CSMD1: variants seen among roughly 807,000 people sequenced by gnomAD.
CSMD1 encodes the protein CUB and sushi domain-containing protein 1.
A neutral mutation model predicts 417.5 loss-of-function variants in CSMD1; 213 were observed. The ratio of observed to expected loss-of-function variants is 0.51; its 90% CI spans 0.46 to 0.57. CSMD1 has a LOEUF of 0.57. CSMD1 is among the 20% of genes least tolerant of loss of function. CSMD1 has a pLI of 0.00. For synonymous variants in CSMD1, 2,862 were observed against 1,736.8 expected (o/e 1.65, Z -16.11); for missense variants, 6,923 against 4,529.7 (o/e 1.53, Z -15.17).
chr8:4,481,653 T>C (rs1474474376), intron 2 of CSMD1, among the ~76,000 whole-genome samples: 1 of 152,184 alleles, frequency 6.6e-6, no homozygotes, highest in Non-Finnish European at 1.5e-5. Flanking sequence ...AGAGGTTAAA[T>C]ACCTGAGTCC....
chr8:4,181,968 G>T (rs1037489045), intron 3 of CSMD1, among the ~76,000 whole-genome samples: 1 of 151,010 alleles, frequency 6.6e-6, no homozygotes, highest in African/African-American at 2.4e-5. Flanking sequence ...GTGTGTGTGT[G>T]TGTGTGATGT....
chr8:4,840,741 C>A (rs954642423), intron 1 of CSMD1, among the ~76,000 whole-genome samples: 5 of 152,206 alleles, frequency 3.3e-5, no homozygotes, highest in Non-Finnish European at 7.4e-5. Context: ...TTTTCAGTTT[C>A]TCTTTGCCCA....
intron 4 of CSMD1, among the ~76,000 whole-genome samples, chr8:4,018,266 T>A (rs1794776512): frequency 6.6e-6 from 1 of 152,056 alleles, no homozygotes; most frequent in Admixed American, 6.5e-5. Context: ...GGTATTATGG[T>A]GTTTGAGAGT....
At chr8:3,980,816 TA>T (rs1168102199) in intron 5 of CSMD1, among the ~76,000 whole-genome samples, 15 of 152,296 alleles carry the variant, frequency 9.8e-5, no homozygotes, top group African/African-American at 3.6e-4. Flanking sequence ...GGCCAACCAC[TA>T]ATGTCCCCAC....
At chr8:3,007,497 A>C (rs1305295480) in intron 52 of CSMD1, among the ~76,000 whole-genome samples, 1 of 151,518 alleles carries the variant, frequency 6.6e-6, no homozygotes, top group African/African-American at 2.4e-5. Context: ...CATTATTCAC[A>C]ATAGCAAAGA....
chr8:4,080,054 A>G (rs1800047064), intron 3 of CSMD1, among the ~76,000 whole-genome samples: 1 of 151,812 alleles, frequency 6.6e-6, no homozygotes, highest in Non-Finnish European at 1.5e-5. Flanking sequence ...CCAGCTAGGA[A>G]TCTACGACTC....
At chr8:3,226,334 G>A (rs1272246697) in intron 27 of CSMD1, among the ~76,000 whole-genome samples, 2 of 152,172 alleles carry the variant, frequency 1.3e-5, no homozygotes, top group Non-Finnish European at 2.9e-5. Context: ...TGTAATCCCA[G>A]CACTTTGGGA....
chr8:3,468,990 A>G, intron 11 of CSMD1, 166 bp from the exon 12 acceptor site: 1 of 469,896 alleles, frequency 2.1e-6, no homozygotes, highest in Non-Finnish European at 3.8e-6. Flanking sequence ...TTAATATTCA[A>G]ACATCACTAT....
chr8:4,280,351 T>G (rs2128858948), intron 3 of CSMD1, among the ~76,000 whole-genome samples: 1 of 152,340 alleles, frequency 6.6e-6, no homozygotes, highest in African/African-American at 2.4e-5. Flanking sequence ...AAATAATTTC[T>G]AATAAATAAT....
chr8:4,031,804 A>G, intron 4 of CSMD1, 101 bp downstream of exon 4: 1 of 864,798 alleles, frequency 1.2e-6, no homozygotes, highest in South Asian at 2.4e-5. Context: ...AGTCAGCTCA[A>G]CATGTATTAT....
chr8:4,016,116 T>C (rs945291607), intron 4 of CSMD1, among the ~76,000 whole-genome samples: 18 of 152,274 alleles, frequency 1.2e-4, no homozygotes, highest in Middle Eastern at 3.4e-3. Flanking sequence ...GATGGGATCA[T>C]ATAAAAGTTC....
intron 23 of CSMD1, among the ~76,000 whole-genome samples, chr8:3,309,195 C>A (rs1391679073): frequency 6.6e-6 from 1 of 152,178 alleles, no homozygotes; most frequent in African/African-American, 2.4e-5. Flanking sequence ...GAAGAGGGGC[C>A]ACCTATCGGC....
At chr8:3,751,008 C>G (rs1421882441) in intron 6 of CSMD1, among the ~76,000 whole-genome samples, 2 of 152,154 alleles carry the variant, frequency 1.3e-5, no homozygotes, top group Admixed American at 1.3e-4. Flanking sequence ...GGTCCTTCTT[C>G]TTCTTCAGAG....
At chr8:3,923,695 G>T (rs1809441926) in intron 5 of CSMD1, among the ~76,000 whole-genome samples, 1 of 152,168 alleles carries the variant, frequency 6.6e-6, no homozygotes, top group East Asian at 1.9e-4. Context: ...TCACCATGCT[G>T]TACAATAAAT....
chr8:4,311,630 G>C (rs1192164250), intron 3 of CSMD1, among the ~76,000 whole-genome samples: 1 of 150,566 alleles, frequency 6.6e-6, no homozygotes. Context: ...AGCTTAGACA[G>C]GAGAATTGCT....
intron 48 of CSMD1, among the ~76,000 whole-genome samples, chr8:3,089,624 A>G (rs183721305): frequency 1.5e-4 from 23 of 152,308 alleles, no homozygotes; most frequent in Non-Finnish European, 4.4e-5. Flanking sequence ...CATTTAATCA[A>G]TGCTCAAAAA....
chr8:4,852,560 A>C (rs1434883490), intron 1 of CSMD1, among the ~76,000 whole-genome samples: 2 of 152,162 alleles, frequency 1.3e-5, no homozygotes, highest in Non-Finnish European at 2.9e-5. Flanking sequence ...TGGAAATTCA[A>C]AAACAGCCTA....
chr8:4,966,484 G>T (rs1005428676), intron 1 of CSMD1, among the ~76,000 whole-genome samples: 11 of 152,120 alleles, frequency 7.2e-5, no homozygotes, highest in Non-Finnish European at 1.0e-4. Context: ...ATCTCAATGG[G>T]ACACATCGCG....
At chr8:4,068,155 A>T (rs1393889773) in intron 3 of CSMD1, among the ~76,000 whole-genome samples, 1 of 152,138 alleles carries the variant, frequency 6.6e-6, no homozygotes, top group Non-Finnish European at 1.5e-5. Flanking sequence ...GTCTATAGAG[A>T]GTCATTTAGG....
Sources: allele counts gnomAD v4.1 joint callset (sites outside exome capture counted in the v4.1 genomes callset), GRCh38; gene constraint gnomAD v4.1.1; transcripts MANE v1.5; gene names NCBI Gene and HGNC (gene_info 2026-07-23, HGNC 2026-07-21).